Variants in ELP1 observed in about 807,000 individuals in gnomAD.
The protein encoded by ELP1 is elongator complex protein 1.
Under a neutral mutation model 183.2 loss-of-function variants are expected in ELP1, and 131 were observed. The observed-to-expected ratio is 0.72, with a 90% confidence interval of 0.62 to 0.83. The LOEUF (loss-of-function observed/expected upper bound fraction) is 0.83, where lower values mean the gene tolerates loss of function less well. Among genes scored for constraint, ELP1 ranks in the 40% least tolerant of loss-of-function variants. The probability of loss-of-function intolerance (pLI) is 0.00; values close to 1 mark genes in which losing one functional copy is unlikely to be tolerated. For synonymous variants in ELP1, 555 were observed against 569.0 expected, an observed-to-expected ratio of 0.98 and a Z score of 0.35; for missense variants, 1,550 against 1,594.9, an observed-to-expected ratio of 0.97 and a Z score of 0.48.
chr9:108,878,627 C>T lies in ELP1; in HGVS notation c.3696G>A (p.Leu1232=). Residue 1232 remains leucine, a synonymous_variant, in exon 34 of 37, where the codon CTG becomes CTA. Coordinates refer to ENST00000374647, the MANE Select transcript of ELP1 (RefSeq NM_003640.5). ...LSEVVQNTEN[L]KDEVYHILKV... ...TCATCAGGACTGAGAATATACCTTTCAGGTTTTCAGTGTTCTGCACCACTT... is the reference window on the plus strand; with the variant it reads ...TCATCAGGACTGAGAATATACCTTTTAGGTTTTCAGTGTTCTGCACCACTT... The T allele has an allele frequency of 1.9e-6, 3 of 1,614,238 alleles. No homozygotes were observed. The highest frequency in any genetic ancestry group is 2.5e-6 in the Non-Finnish European group (3 of 1,180,052).
chr9:108,926,463 G>A, intron 5 of ELP1, 60 bp downstream of exon 5: 1 of 1,330,458 alleles, frequency 7.5e-7, no homozygotes, highest in Non-Finnish European at 1.1e-6. Context: ...AGTGCACAAG[G>A]AAATGGTCAA....
intron 29 of ELP1, 32 bp downstream of exon 29, chr9:108,889,299 CT>C (rs1263626600): frequency 1.3e-6 from 2 of 1,592,422 alleles, no homozygotes; most frequent in Admixed American, 3.3e-5. Context: ...TTCTTGCTGA[CT>C]GGGGGGTTTA....
chr9:108,899,868 G>A lies in ELP1; in HGVS notation c.2158C>T (p.His720Tyr). ...TGAGCTAAAACCAGGGCTCGATGATGAACAACTTCTAAGTTTCCCCTTGGC... is the reference window on the plus strand; with the variant it reads ...TGAGCTAAAACCAGGGCTCGATGATAAACAACTTCTAAGTTTCCCCTTGGC... Reference protein sequence around the residue: ...QMPRGNLEVVHHRALVLAQIR... With the variant: ...QMPRGNLEVVYHRALVLAQIR... The change falls in exon 20 of 37, where the codon CAT becomes TAT. Residue 720 changes from histidine (H) to tyrosine (Y), a missense_variant. Coordinates refer to ENST00000374647, the MANE Select transcript of ELP1 (RefSeq NM_003640.5). The A allele has an allele frequency of 6.2e-7, 1 of 1,614,038 alleles. No individual in the cohort carries two copies. The highest frequency in any genetic ancestry group is 8.5e-7 in the Non-Finnish European group (1 of 1,179,948).
chr9:108,904,692 T>C (rs1247160222), intron 14 of ELP1, among the ~76,000 whole-genome samples: 1 of 152,200 alleles, frequency 6.6e-6, no homozygotes, highest in African/African-American at 2.4e-5. Flanking sequence ...CATGTCTTAG[T>C]TGTCTCATCT....
intron 27 of ELP1, 51 bp downstream of exon 27, chr9:108,892,935 A>G (rs1219217577): frequency 1.5e-6 from 2 of 1,290,812 alleles, no homozygotes; most frequent in Admixed American, 3.4e-5. Flanking sequence ...CTCCTTTCCT[A>G]CTAAAGCAAA....
At position 108,878,055 on chromosome 9, in the gene ELP1, C is replaced by T; in HGVS notation, c.3795G>A (p.Leu1265=). The change falls in exon 35 of 37, where the codon TTG becomes TTA. Residue 1265 remains leucine (L), a synonymous_variant. Coordinates refer to ENST00000374647, the MANE Select transcript of ELP1 (RefSeq NM_003640.5). The part of the protein sequence containing the change: ...LQKAFEDTLQ[L]MERSLPEIWT... ...AAATTTCTGGAAGTGACCTTTCCAT[C>T]AACTGCAGCGTATCTTCAAAGGCCT... 1 of 1,614,124 alleles carries T rather than the reference C, an allele frequency of 6.2e-7. No individual in the cohort carries two copies. Among genetic ancestry groups the T allele is most frequent in the Non-Finnish European group, 8.5e-7 (1 of 1,179,974 alleles).
chr9:108,931,143 G>A lies in ELP1; in HGVS notation c.4C>T (p.Arg2Ter), dbSNP rs926177767. The stretch of plus-strand genomic sequence containing the variant: ...AGGGTCCGAAATAATTTCAGATTTC[G>A]CATGATGAAGTGATTCCCACGAGAC... M[R>*]NLKLFRTLEF... The change falls in exon 2 of 37, where the codon CGA becomes TGA. Residue 2 changes from arginine to a stop codon, truncating the protein, a stop_gained. Coordinates refer to ENST00000374647, the MANE Select transcript of ELP1 (RefSeq NM_003640.5). LOFTEE classifies it high-confidence loss of function. 11 of 1,613,862 alleles carry A rather than the reference G, an allele frequency of 6.8e-6. No homozygotes were observed. Among genetic ancestry groups the A allele is most frequent in the African/African-American group, 4.0e-5 (3 of 74,920 alleles).
chr9:108,912,303 T>C lies in ELP1; in HGVS notation c.1150A>G (p.Asn384Asp). 6.2e-7 allele frequency: 1 copy of C among 1,614,164 alleles called. No homozygotes were observed. Among genetic ancestry groups the C allele is most frequent in the Non-Finnish European group, 8.5e-7 (1 of 1,180,022 alleles). The stretch of plus-strand genomic sequence containing the variant: ...GCCACATTGGACAAGTCACTTGAAT[T>C]ATCTCCCACGCTCCGGTCAGTCGTC... ...HWTTDRSVGD[N>D]SSDLSNVAVI... The change falls in exon 11 of 37, where the codon AAT (asparagine) becomes GAT (aspartate). Residue 384 changes from asparagine (N) to aspartate (D), a missense_variant. Transcript: ENST00000374647.
In ELP1 at chr9:108,878,870, C is replaced by A. The variant is rs1227121822; in HGVS notation, c.3573-120G>T. On this transcript the variant is annotated intron_variant, in intron 33 of 36. Transcript: ENST00000374647. Reference sequence around the variant, plus strand: ...TGACCCCACACAACTTCACAGATCTCCATTTTAAATTCCTAAAGCAAAATT... The same window carrying A: ...TGACCCCACACAACTTCACAGATCTACATTTTAAATTCCTAAAGCAAAATT... 1.2e-5 allele frequency: 13 copies of A among 1,055,996 alleles called. No individual in the cohort carries two copies. The East Asian group carries it at 2.6e-4, about 21-fold the overall frequency. The allele number at this position is 1,055,996 out of a possible 1,614,324, so 65.4% of individuals were successfully genotyped here. A position where few individuals can be genotyped will look rare whatever the true frequency, so the allele number is the denominator to read the frequency against.
Position 108,900,341 on chromosome 9 carries a change from G to T in ELP1, c.2049C>A (p.Ser683=). 6.2e-7 allele frequency: 1 copy of T among 1,614,026 alleles called. No individual in the cohort carries two copies. Among genetic ancestry groups the T allele is most frequent in the East Asian group, 2.2e-5 (1 of 44,876 alleles). Residue 683 remains serine (S), a synonymous_variant, in exon 19 of 37, where the codon TCC becomes TCA. Transcript: ENST00000374647. ...CCACTTTCCGCAGAACTTCCCCATG[G>T]GACACATGATTGCTGCTCAGGCCGG... The part of the protein sequence containing the change: ...LQAGLSSNHV[S]HGEVLRKVER...
chr9:108,875,225 C>A (rs1587868175), intron 35 of ELP1, among the ~76,000 whole-genome samples: 1 of 152,180 alleles, frequency 6.6e-6, no homozygotes, highest in African/African-American at 2.4e-5. Context: ...CGAAACTCTA[C>A]AGTGATATAT....
At position 108,868,380 on chromosome 9, in the gene ELP1, GA is replaced by G. The variant is rs1183462113; in HGVS notation, c.*734del. The G allele has an allele frequency of 2.3e-5, 5 of 216,670 alleles. No homozygotes were observed. The highest frequency in any genetic ancestry group is 1.1e-4 in the African/African-American group (5 of 44,198). The allele number at this position is 216,670 out of a possible 1,614,324, so 13.4% of individuals were successfully genotyped here. On this transcript the variant is annotated 3_prime_UTR_variant, in exon 37 of 37. Coordinates refer to ENST00000374647, the MANE Select transcript of ELP1 (RefSeq NM_003640.5). ...ATCTGAGTTAAAGAAACAGTATTTGGAGAACAGAGAATAATTCACAACCATG... is the reference window on the plus strand; with the variant it reads ...ATCTGAGTTAAAGAAACAGTATTTGGGAACAGAGAATAATTCACAACCATG...
chr9:108,882,222 G>A (rs1220316599), intron 29 of ELP1, 35 bp from the exon 30 acceptor site: 1 of 1,592,344 alleles, frequency 6.3e-7, no homozygotes, highest in African/African-American at 1.3e-5. Flanking sequence ...AACAAGTGAA[G>A]AGAGCATGTC....
chr9:108,892,741 G>A (rs1205348458), intron 27 of ELP1, among the ~76,000 whole-genome samples: 1 of 152,144 alleles, frequency 6.6e-6, no homozygotes, highest in Non-Finnish European at 1.5e-5. Flanking sequence ...CAGCAGTAAG[G>A]TTGGGCTAGA....
At chr9:108,919,443 G>A (rs1186133871) in intron 6 of ELP1, 94 bp from the exon 7 acceptor site, 2 of 840,924 alleles carry the variant, frequency 2.4e-6, no homozygotes, top group Admixed American at 4.0e-5. Flanking sequence ...TGTTTTTTAA[G>A]AGGTTTAAGC....
intron 29 of ELP1, among the ~76,000 whole-genome samples, chr9:108,887,423 T>C (rs1008593655): frequency 1.3e-5 from 2 of 152,228 alleles, no homozygotes; most frequent in Non-Finnish European, 2.9e-5. Flanking sequence ...ATAGAAACCA[T>C]GTTTGTTGAT....
At position 108,888,037 on chromosome 9, in the gene ELP1, G is replaced by A. The variant is rs148215227; in HGVS notation, c.3222+1295C>T. Among the ~76,000 whole-genome samples, 18 of 152,244 alleles carry A rather than the reference G, an allele frequency of 1.2e-4. No individual in the cohort carries two copies. The East Asian group carries it at 3.3e-3, about 28-fold the overall frequency. ...AAACAATCCAAATGTACATCAACTG[G>A]TAAATCAACAAATTCTGACATATAC... On this transcript the variant is annotated intron_variant, in intron 29 of 36. Coordinates refer to ENST00000374647, the MANE Select transcript of ELP1 (RefSeq NM_003640.5).
At chr9:108,915,573 G>A (rs1465361528) in intron 10 of ELP1, among the ~76,000 whole-genome samples, 2 of 151,930 alleles carry the variant, frequency 1.3e-5, no homozygotes, top group Non-Finnish European at 2.9e-5. Context: ...CTGCCAACCT[G>A]CCCCCACAAA....
chr9:108,905,108 G>A (rs1828968846), intron 14 of ELP1, among the ~76,000 whole-genome samples: 1 of 152,162 alleles, frequency 6.6e-6, no homozygotes, highest in Non-Finnish European at 1.5e-5. Context: ...TCTGCATTTA[G>A]ACATGTTAAC....
Sources: gnomAD v4.1 joint callset for allele counts (sites outside exome capture counted in the v4.1 genomes callset) on GRCh38, gnomAD v4.1.1 for gene constraint, MANE v1.5 for transcripts, NCBI Gene and HGNC (gene_info 2026-07-23, HGNC 2026-07-21) for gene names.